The following SNX29 variants were observed in gnomAD, a reference collection of about 807,000 sequenced individuals.
SNX29 encodes the protein sorting nexin 29, also known as sorting nexin-29.
SNX29 carries 78 observed loss-of-function variants against 102.1 expected under a neutral mutation model. The observed-to-expected ratio is 0.76, with a 90% CI of 0.64 to 0.92. SNX29 has a LOEUF of 0.92. Among genes scored for constraint, SNX29 ranks in the 40% least tolerant of loss-of-function variants. The pLI is 0.00. For synonymous variants in SNX29, 580 were observed against 414.5 expected (o/e 1.40, Z -4.85); for missense variants, 1,280 against 1,061.7 (o/e 1.21, Z -2.86).
chr16:12,038,417 C>T (rs1295271796), intron 4 of SNX29, among the ~76,000 whole-genome samples: 1 of 152,206 alleles, frequency 6.6e-6, no homozygotes, highest in Non-Finnish European at 1.5e-5. Flanking sequence ...CTTCTCAACA[C>T]CCCTTCCTGG....
chr16:12,070,814 T>G (rs1187485735), intron 10 of SNX29, among the ~76,000 whole-genome samples: 5 of 152,282 alleles, frequency 3.3e-5, no homozygotes, highest in African/African-American at 1.2e-4. Flanking sequence ...AGTGTTCCTA[T>G]TTCTCCACAT....
At chr16:11,992,649 GAGTT>G (rs1451902988) in intron 1 of SNX29, among the ~76,000 whole-genome samples, 3 of 152,208 alleles carry the variant, frequency 2.0e-5, no homozygotes, top group Non-Finnish European at 4.4e-5. Context: ...ACTTGCCTGA[GAGTT>G]AGGGAGAGCA....
intron 20 of SNX29, among the ~76,000 whole-genome samples, chr16:12,556,913 C>A (rs563825775): frequency 5.5e-5 from 8 of 145,252 alleles, no homozygotes; most frequent in African/African-American, 2.1e-4. Flanking sequence ...AGTGTAGTGG[C>A]ATGATCTCGG....
At chr16:12,036,436 G>A (rs1471955847) in intron 4 of SNX29, among the ~76,000 whole-genome samples, 1 of 147,722 alleles carries the variant, frequency 6.8e-6, no homozygotes, top group Non-Finnish European at 1.5e-5. Flanking sequence ...CCGGATTCAC[G>A]CCATTCTTCT....
chr16:12,542,482 C>G (rs182958629), intron 20 of SNX29, among the ~76,000 whole-genome samples: 3 of 152,242 alleles, frequency 2.0e-5, no homozygotes, highest in African/African-American at 7.2e-5. Flanking sequence ...CAGGGACCCA[C>G]TACCACACCT....
intron 20 of SNX29, among the ~76,000 whole-genome samples, chr16:12,541,422 T>C (rs2077334689): frequency 6.6e-6 from 1 of 152,172 alleles, no homozygotes; most frequent in Admixed American, 6.5e-5. Flanking sequence ...CTGAGGCTCA[T>C]GGAAGGTCAT....
At chr16:12,557,016 C>CAT (rs1555458246) in intron 20 of SNX29, among the ~76,000 whole-genome samples, 1 of 11,916 alleles carries the variant, frequency 8.4e-5, no homozygotes, top group Non-Finnish European at 2.8e-4. Flanking sequence ...GGCTAATTTA[C>CAT]CCCCCCCCCG....
At chr16:12,120,461 A>G (rs1369590473) in intron 11 of SNX29, among the ~76,000 whole-genome samples, 1 of 152,268 alleles carries the variant, frequency 6.6e-6, no homozygotes, top group Non-Finnish European at 1.5e-5. Context: ...TAGTCATCGC[A>G]GTCAGCAGTC....
At chr16:12,544,729 C>T (rs910877784) in intron 20 of SNX29, among the ~76,000 whole-genome samples, 5 of 152,116 alleles carry the variant, frequency 3.3e-5, no homozygotes, top group African/African-American at 1.2e-4. Context: ...GAGGGGAAAC[C>T]TCGGCCCAGA....
intron 20 of SNX29, among the ~76,000 whole-genome samples, chr16:12,544,558 G>A (rs947300371): frequency 2.0e-5 from 3 of 152,236 alleles, no homozygotes; most frequent in Non-Finnish European, 4.4e-5. Context: ...GAATGTTACA[G>A]TGATGGATTC....
chr16:12,560,411 GTGTC>G (rs2078657091), intron 20 of SNX29, among the ~76,000 whole-genome samples: 1 of 152,172 alleles, frequency 6.6e-6, no homozygotes, highest in African/African-American at 2.4e-5. Context: ...AAAAGCCACA[GTGTC>G]TGTCCTGTAG....
chr16:12,036,570 G>A (rs539630501), intron 4 of SNX29, among the ~76,000 whole-genome samples: 1 of 152,188 alleles, frequency 6.6e-6, no homozygotes, highest in South Asian at 2.1e-4. Context: ...TCCTGACCTC[G>A]TGATCCACCT....
intron 19 of SNX29, among the ~76,000 whole-genome samples, chr16:12,493,616 C>G (rs2088661364): frequency 6.6e-6 from 1 of 152,178 alleles, no homozygotes. Flanking sequence ...TGTTTTGAGA[C>G]AAGGTCTCAC....
rs183466676 is a variant in SNX29, at chr16:12,309,886, C to A, written c.1782+31850C>A. Among the ~76,000 whole-genome samples, 17 of 152,236 alleles carry A rather than the reference C, an allele frequency of 1.1e-4. 1 individual carries two copies. In the East Asian group the frequency reaches 2.3e-3, roughly 21 times the overall value. ...CCTTGGTCTGAAGTCTGTGTGTATC[C>A]CCTCAACTCTGCAGCTGAAGTTCCA... is the stretch of plus-strand genomic sequence containing the variant. On this transcript the variant is annotated intron_variant, in intron 15 of 20. Transcript: ENST00000566228.
Position 12,098,972 on chromosome 16 carries a change from G to A in SNX29, c.1402+20057G>A, listed in dbSNP as rs567159584. The stretch of plus-strand genomic sequence containing the variant: ...ACTCCCTGCATTGTGGGAGCAGAGA[G>A]TACGGGACAGAAAGAGTGAGGGTGG... On this transcript the variant is annotated intron_variant, in intron 11 of 20. Transcript: ENST00000566228. This position sits in a 1 kb window ranked among gnomAD's most constrained non-coding sequence, Gnocchi z 6.0. 6.6e-6 allele frequency among the ~76,000 whole-genome samples: 1 copy of A among 152,212 alleles called. No homozygotes were observed. The highest frequency in any genetic ancestry group is 1.9e-4 in the East Asian group (1 of 5,166).
intron 18 of SNX29, among the ~76,000 whole-genome samples, chr16:12,430,452 C>G (rs1050952690): frequency 3.9e-5 from 6 of 152,206 alleles, no homozygotes; most frequent in African/African-American, 1.4e-4. Context: ...TCAGGCACAC[C>G]TGCTTTGGAA....
At chr16:12,001,802 GA>G (rs1278630018) in intron 2 of SNX29, among the ~76,000 whole-genome samples, 2 of 152,130 alleles carry the variant, frequency 1.3e-5, no homozygotes, top group Non-Finnish European at 2.9e-5. Context: ...AGGATATCTT[GA>G]GGCCAGGGGT....
At chr16:12,463,647 C>T (rs2086912049) in intron 18 of SNX29, among the ~76,000 whole-genome samples, 1 of 152,186 alleles carries the variant, frequency 6.6e-6, no homozygotes, top group African/African-American at 2.4e-5. Context: ...GGTGGGGATA[C>T]AGAACCAAAC....
At chr16:12,216,457 A>G (rs1291197862) in intron 14 of SNX29, among the ~76,000 whole-genome samples, 1 of 152,226 alleles carries the variant, frequency 6.6e-6, no homozygotes, top group Non-Finnish European at 1.5e-5. Context: ...CATAACATCA[A>G]GCACCTGCCA....
Sources: allele counts gnomAD v4.1 joint callset (sites outside exome capture counted in the v4.1 genomes callset), GRCh38; gene constraint gnomAD v4.1.1; non-coding constraint Gnocchi (gnomAD v3.1); transcripts MANE v1.5; gene names NCBI Gene and HGNC (gene_info 2026-07-23, HGNC 2026-07-21).